The following SEMA6D variants were observed in gnomAD, a reference collection of about 807,000 sequenced individuals.
SEMA6D encodes the protein semaphorin 6D.
In SEMA6D, 35 loss-of-function variants were observed where a neutral mutation model predicts 106.6. The observed-to-expected ratio is 0.33, with a 90% CI of 0.25 to 0.44. SEMA6D has a LOEUF of 0.44. Among genes scored for constraint, SEMA6D ranks in the 20% least tolerant of loss-of-function variants. SEMA6D has a pLI of 1.00. For synonymous variants in SEMA6D, 499 were observed against 487.7 expected (o/e 1.02, Z -0.31); for missense variants, 1,185 against 1,345.9 (o/e 0.88, Z 1.87).
intron 1 of SEMA6D, among the ~76,000 whole-genome samples, chr15:47,194,772 A>G (rs184372134): frequency 3.9e-5 from 6 of 152,326 alleles, no homozygotes; most frequent in Non-Finnish European, 5.9e-5. Context: ...GAGTGTATCT[A>G]TCTTTACAGA....
chr15:47,572,101 C>T (rs12592568), intron 3 of SEMA6D, among the ~76,000 whole-genome samples: 41,008 of 152,012 alleles, frequency 0.27, 5,829 homozygotes, highest in East Asian at 0.47. Context: ...TCCTTGATCA[C>T]GAGGCAGTAC....
At position 47,315,947 on chromosome 15, in the gene SEMA6D, C is replaced by A. The variant is rs1174464616; in HGVS notation, c.-238-96446C>A. 4.6e-5 allele frequency among the ~76,000 whole-genome samples: 7 copies of A among 150,968 alleles called. No homozygotes were observed. In the East Asian group the frequency reaches 1.2e-3, roughly 25 times the overall value. Reference sequence around the variant, plus strand: ...TGTATATTAGCCTGTCTCCTGAAACCTTCCTGTATCCTTAGTATGATAGCT... The same window carrying A: ...TGTATATTAGCCTGTCTCCTGAAACATTCCTGTATCCTTAGTATGATAGCT... On this transcript the variant is annotated intron_variant, in intron 1 of 19. Coordinates refer to the SEMA6D transcript ENST00000558014.
rs759707058 is a variant in SEMA6D at position 47,768,732 on chromosome 15, A to C, written c.1917A>C (p.Leu639Phe). 3.1e-6 allele frequency: 5 copies of C among 1,613,116 alleles called. No homozygotes were observed. The East Asian group carries it at 1.1e-4, about 36-fold the overall frequency. ...ACACTTCTGATTTTACTGATCCTTT[A>C]TCGGGTATCCCAAAGGGTAAGGCCT... is the stretch of plus-strand genomic sequence containing the variant. ...DPNTSDFTDP[L>F]SGIPKGVRWE... Residue 639 changes from leucine (L) to phenylalanine (F), a missense_variant, in exon 18 of 19, where the codon TTA becomes TTC. Physicochemically the swap from Leu to Phe is conservative, Grantham distance 22. Coordinates refer to ENST00000536845, the MANE Select transcript of SEMA6D (RefSeq NM_001358351.3).
At chr15:47,753,240 G>A (rs1005773748) in intron 1 of SEMA6D, among the ~76,000 whole-genome samples, 25 of 152,120 alleles carry the variant, frequency 1.6e-4, no homozygotes. Context: ...AGAAACATAG[G>A]ATCTCCATGG....
intron 4 of SEMA6D, among the ~76,000 whole-genome samples, chr15:47,681,332 A>T (rs1187951005): frequency 6.6e-6 from 1 of 152,246 alleles, no homozygotes; most frequent in Non-Finnish European, 1.5e-5. Context: ...AAGCTACGTG[A>T]AATAAGCCAG....
intron 1 of SEMA6D, among the ~76,000 whole-genome samples, chr15:47,409,590 C>T (rs2040713534): frequency 6.6e-6 from 1 of 152,202 alleles, no homozygotes; most frequent in South Asian, 2.1e-4. Context: ...TTTATTGGCA[C>T]TTCCTAGAAT....
upstream of SEMA6D, among the ~76,000 whole-genome samples, chr15:47,714,510 T>G (rs1055318648): frequency 3.9e-5 from 6 of 152,208 alleles, no homozygotes; most frequent in Non-Finnish European, 8.8e-5. Flanking sequence ...CACACACAGA[T>G]TTTCTGTAAT....
chr15:47,338,112 C>T (rs921106954), intron 1 of SEMA6D, among the ~76,000 whole-genome samples: 15 of 152,250 alleles, frequency 9.9e-5, no homozygotes, highest in East Asian at 5.8e-4. Context: ...GCTAGAGTAG[C>T]GGTGTTGCCT....
intron 4 of SEMA6D, among the ~76,000 whole-genome samples, chr15:47,688,296 G>C (rs2078513029): frequency 6.6e-6 from 1 of 152,108 alleles, no homozygotes; most frequent in African/African-American, 2.4e-5. Flanking sequence ...ACTATTGGGT[G>C]CCATACTAGA....
intron 1 of SEMA6D, among the ~76,000 whole-genome samples, chr15:47,411,299 G>C (rs1408053542): frequency 6.6e-6 from 1 of 151,962 alleles, no homozygotes; most frequent in Non-Finnish European, 1.5e-5. Context: ...GTTTCGCTGT[G>C]TTAGCCAGGA....
chr15:47,669,596 C>G (rs1027880423), intron 4 of SEMA6D, among the ~76,000 whole-genome samples: 1 of 152,202 alleles, frequency 6.6e-6, no homozygotes, highest in African/African-American at 2.4e-5. Flanking sequence ...TTATCCTTCT[C>G]TTACCCTAGC....
chr15:47,392,040 A>G (rs1485617872), intron 1 of SEMA6D, among the ~76,000 whole-genome samples: 1 of 152,136 alleles, frequency 6.6e-6, no homozygotes, highest in Non-Finnish European at 1.5e-5. Flanking sequence ...AAAAAACTGT[A>G]AAACTACTGT....
chr15:47,727,998 T>C (rs1469744946), intron 1 of SEMA6D, among the ~76,000 whole-genome samples: 1 of 152,220 alleles, frequency 6.6e-6, no homozygotes, highest in Non-Finnish European at 1.5e-5. Flanking sequence ...ATATGGGAAA[T>C]GGTTTGGGTT....
Position 47,770,900 on chromosome 15 carries a change from G to A in SEMA6D, c.2337G>A (p.Val779=). The change falls in exon 19 of 19, where the codon GTG becomes GTA. Residue 779 remains valine, a synonymous_variant. Transcript: ENST00000536845. Reference sequence around the variant, plus strand: ...TTCCTACTCCTGAGTCTACACCCGTGCTTCACCAGAAGACCCTGCAGGCCA... The same window carrying A: ...TTCCTACTCCTGAGTCTACACCCGTACTTCACCAGAAGACCCTGCAGGCCA... ...AALPTPESTP[V]LHQKTLQAMK... 1 of 1,614,048 alleles carries A rather than the reference G, an allele frequency of 6.2e-7. No homozygotes were observed.
In SEMA6D at chr15:47,404,889, A is replaced by C. The variant is rs147580376; in HGVS notation, c.-238-7504A>C. Among the ~76,000 whole-genome samples, 609 of 152,326 alleles carry C rather than the reference A, an allele frequency of 4.0e-3. 7 individuals carry two copies. The highest frequency in any genetic ancestry group is 0.014 in the African/African-American group (582 of 41,584). ...CTGCACTCCAGAAATCTGTAGTTTC[A>C]TACATGCTAAAATATGTAGCATAGA... On this transcript the variant is annotated intron_variant, in intron 1 of 19. Transcript: ENST00000558014.
Position 47,434,100 on chromosome 15 carries a change from A to T in SEMA6D, c.-159+21628A>T, listed in dbSNP as rs149882851. On this transcript the variant is annotated intron_variant, in intron 2 of 19. Transcript: ENST00000558014. ...GAGAAGGCCACAATGACAACCATCT[A>T]AGTAAGAGATGTTGAGGCCTCCACT... Among the ~76,000 whole-genome samples the T allele has an allele frequency of 2.5e-3, 377 of 152,240 alleles. 3 individuals are homozygous for T. Among genetic ancestry groups the T allele is most frequent in the African/African-American group, 8.9e-3 (368 of 41,576 alleles).
chr15:47,377,826 G>A (rs919946970), intron 1 of SEMA6D, among the ~76,000 whole-genome samples: 1 of 152,180 alleles, frequency 6.6e-6, no homozygotes, highest in Non-Finnish European at 1.5e-5. Flanking sequence ...GTAGGAACAT[G>A]TCATAAAACT....
At chr15:47,514,697 G>A (rs536433441) in intron 3 of SEMA6D, among the ~76,000 whole-genome samples, 18 of 152,160 alleles carry the variant, frequency 1.2e-4, no homozygotes, top group African/African-American at 4.3e-4. Flanking sequence ...CTTTATTACA[G>A]TAGTCTCCTC....
intron 3 of SEMA6D, among the ~76,000 whole-genome samples, chr15:47,471,587 T>G (rs1179951943): frequency 1.3e-5 from 2 of 152,066 alleles, no homozygotes; most frequent in Non-Finnish European, 2.9e-5. Flanking sequence ...CCTGTGAGGG[T>G]CTGCACCTAC....
Sources: gnomAD v4.1 joint callset for allele counts (sites outside exome capture counted in the v4.1 genomes callset) on GRCh38, gnomAD v4.1.1 for gene constraint, MANE v1.5 for transcripts, NCBI Gene and HGNC (gene_info 2026-07-23, HGNC 2026-07-21) for gene names.